Variants in TRIM21 observed in about 807,000 individuals in gnomAD.
TRIM21 encodes E3 ubiquitin-protein ligase TRIM21.
In TRIM21, 35 loss-of-function variants were observed where a neutral mutation model predicts 36.1. The observed-to-expected ratio is 0.97, with a 90% CI of 0.74 to 1.28. TRIM21 has a LOEUF of 1.28. Among genes scored for constraint, TRIM21 ranks in the 50% most tolerant of loss-of-function variants. The probability of loss-of-function intolerance (pLI) is 0.00; values close to 1 mark genes in which losing one functional copy is unlikely to be tolerated. For synonymous variants in TRIM21, 256 were observed against 211.5 expected, an observed-to-expected ratio of 1.21 and a Z score of -1.83; for missense variants, 635 against 570.7, an observed-to-expected ratio of 1.11 and a Z score of -1.15.
chr11:4,392,710 G>C lies in TRIM21; in HGVS notation c.-50+923C>G, dbSNP rs574672219. Among the ~76,000 whole-genome samples the C allele has an allele frequency of 3.3e-5, 5 of 152,276 alleles. No individual in the cohort carries two copies. In the South Asian group the frequency reaches 1.0e-3, roughly 32 times the overall value. On this transcript the variant is annotated intron_variant, in intron 1 of 6. Transcript: ENST00000254436. ...ATAACAAGAACTCCTCCATTGTTTG[G>C]TCCATTGATCCAGTGAGACAGAAGG...
chr11:4,385,369 AG>A lies in TRIM21; in HGVS notation c.1343del (p.Pro448LeufsTer13). The A allele has an allele frequency of 6.2e-7, 1 of 1,613,856 alleles. No homozygotes were observed. Among genetic ancestry groups the A allele is most frequent in the Non-Finnish European group, 8.5e-7 (1 of 1,179,856 alleles). Reference sequence around the variant, plus strand: ...TGTTTTTTCCTCCATCATTGAAACCAGGACTGAAGAAGGGCCGCAGAGGTCC... The same window carrying A: ...TGTTTTTTCCTCCATCATTGAAACCAGACTGAAGAAGGGCCGCAGAGGTCC... Reference protein sequence around the residue: ...FTGPLRPFFSPGFNDGGKNTA... With the variant: ...FTGPLRPFFSXGFNDGGKNTA... On this transcript the variant is annotated frameshift_variant, in exon 7 of 7. Transcript: ENST00000254436. LOFTEE classifies it low-confidence loss of function (END_TRUNC).
At chr11:4,393,578 G>C (rs1160751249) in intron 1 of TRIM21, 55 bp downstream of exon 1, 1 of 152,588 alleles carries the variant, frequency 6.6e-6, no homozygotes, top group Admixed American at 6.5e-5. Flanking sequence ...CTGGGGCAGG[G>C]GAGAGAGGTC....
Position 4,388,446 on chromosome 11 carries a change from G to T in TRIM21, c.589C>A (p.Leu197Met), listed in dbSNP as rs1406284198. Residue 197 changes from leucine (L) to methionine (M), a missense_variant, in exon 4 of 7, where the codon CTG (leucine) becomes ATG (methionine). Physicochemically the swap from Leu to Met is conservative, Grantham distance 15. Coordinates refer to ENST00000254436, the MANE Select transcript of TRIM21 (RefSeq NM_003141.4). ...CTCTCATCCTTCTCCAGCTCCTGCA[G>T]CTGCCTCTGTTCTTCTTCAACCAGG... ...NFLVEEEQRQLQELEKDEREQ... is the reference protein window; with the variant it reads ...NFLVEEEQRQMQELEKDEREQ... 1 of 1,613,698 alleles carries T rather than the reference G, an allele frequency of 6.2e-7. No individual in the cohort carries two copies. The highest frequency in any genetic ancestry group is 8.5e-7 in the Non-Finnish European group (1 of 1,179,902).
chr11:4,386,832 T>C, intron 5 of TRIM21, 136 bp downstream of exon 5: 5 of 855,900 alleles, frequency 5.8e-6, no homozygotes, highest in Non-Finnish European at 8.9e-6. Flanking sequence ...AAATATTTTA[T>C]AGAGAATGAA....
chr11:4,389,606 C>T (rs1233758034), intron 3 of TRIM21, 48 bp downstream of exon 3: 1 of 1,535,758 alleles, frequency 6.5e-7, no homozygotes, highest in Non-Finnish European at 9.0e-7. Context: ...GACTCTGGAC[C>T]CTGCCCAGCC....
chr11:4,386,747 G>T (rs1252969170), intron 5 of TRIM21, among the ~76,000 whole-genome samples: 1 of 152,156 alleles, frequency 6.6e-6, no homozygotes, highest in African/African-American at 2.4e-5. Context: ...ACTTTACTGT[G>T]TGAAGATGTT....
chr11:4,390,503 T>C, intron 1 of TRIM21, 45 bp from the exon 2 acceptor site: 1 of 1,354,858 alleles, frequency 7.4e-7, no homozygotes, highest in Non-Finnish European at 1.0e-6. Context: ...AGAAAGTCTG[T>C]GTAAGAAAAA....
At chr11:4,389,541 A>G in intron 3 of TRIM21, 113 bp downstream of exon 3, 1 of 904,770 alleles carries the variant, frequency 1.1e-6, no homozygotes. Flanking sequence ...AGTGAGACGG[A>G]CCAACTCTAT....
At chr11:4,391,267 T>G (rs984571323) in intron 1 of TRIM21, among the ~76,000 whole-genome samples, 2 of 152,144 alleles carry the variant, frequency 1.3e-5, no homozygotes, top group African/African-American at 4.8e-5. Flanking sequence ...GGACAAAAGA[T>G]CTGAACAGAC....
rs984487645 is a variant in TRIM21, at chr11:4,386,099, T to C, written c.859+58A>G. ...CCTCCAAGTTGCCATCCAGGCTCCC[T>C]GACCCTGGGATCTACTCTGCACCCC... On this transcript the variant is annotated intron_variant, in intron 6 of 6. Coordinates refer to ENST00000254436, the MANE Select transcript of TRIM21 (RefSeq NM_003141.4). 3.9e-6 allele frequency: 6 copies of C among 1,532,848 alleles called. No homozygotes were observed. The East Asian group carries it at 9.0e-5, about 23-fold the overall frequency. The allele number at this position is 1,532,848 out of a possible 1,614,324, so 95.0% of individuals were successfully genotyped here. A position where few individuals can be genotyped will look rare whatever the true frequency, so the allele number is the denominator to read the frequency against.
Position 4,390,094 on chromosome 11 carries a change from C to T in TRIM21, c.316G>A (p.Asp106Asn). 3 of 1,614,044 alleles carry T rather than the reference C, an allele frequency of 1.9e-6. No individual in the cohort carries two copies. The highest frequency in any genetic ancestry group is 2.5e-6 in the Non-Finnish European group (3 of 1,179,888). ...GERLHLFCEK[D>N]GKALCWVCAQ... ...CATACCCAGCAAAGGGCCTTCCCATCTTTCTCACAGAACAGGTGAAGTCTC... is the reference window on the plus strand; with the variant it reads ...CATACCCAGCAAAGGGCCTTCCCATTTTTCTCACAGAACAGGTGAAGTCTC... Residue 106 changes from aspartate to asparagine, a missense_variant, in exon 2 of 7, where the codon GAT (aspartate) becomes AAT (asparagine). Coordinates refer to ENST00000254436, the MANE Select transcript of TRIM21 (RefSeq NM_003141.4).
chr11:4,388,190 A>T, intron 4 of TRIM21, 110 bp downstream of exon 4: 1 of 955,642 alleles, frequency 1.0e-6, no homozygotes, highest in South Asian at 1.7e-5. Context: ...TACTTCATTT[A>T]AGAACATTCC....
Position 4,385,434 on chromosome 11 carries a change from CATGGTCAGTG to C in TRIM21, c.1269_1278del (p.Ile423MetfsTer35), listed in dbSNP as rs777869426. ...TCAGAGAAGGAGTAGATGAGGGAGCCATGGTCAGTGATGTTGTAGAAGGAGACCATGCCAG... is the reference window on the plus strand; with the variant it reads ...TCAGAGAAGGAGTAGATGAGGGAGCCATGTTGTAGAAGGAGACCATGCCAG... On this transcript the variant is annotated frameshift_variant, in exon 7 of 7. Coordinates refer to ENST00000254436, the MANE Select transcript of TRIM21 (RefSeq NM_003141.4). LOFTEE classifies it low-confidence loss of function (END_TRUNC). 6.2e-7 allele frequency: 1 copy of C among 1,613,574 alleles called. No individual in the cohort carries two copies. Among genetic ancestry groups the C allele is most frequent in the Non-Finnish European group, 8.5e-7 (1 of 1,179,756 alleles).
At chr11:4,392,611 CAATT>C (rs1197044262) in intron 1 of TRIM21, among the ~76,000 whole-genome samples, 2 of 129,042 alleles carry the variant, frequency 1.5e-5, no homozygotes, top group Non-Finnish European at 3.4e-5. Context: ...AATGGCAAAA[CAATT>C]AATGTCAAAA....
chr11:4,388,649 A>C, intron 3 of TRIM21, 119 bp from the exon 4 acceptor site: 1 of 939,250 alleles, frequency 1.1e-6, no homozygotes, highest in African/African-American at 1.6e-5. Flanking sequence ...GTCTGGGAAA[A>C]CACACACACA....
rs187544241 is a variant in TRIM21, at chr11:4,386,285, G to C, written c.759-28C>G. On this transcript the variant is annotated intron_variant, in intron 5 of 6. Coordinates refer to ENST00000254436, the MANE Select transcript of TRIM21 (RefSeq NM_003141.4). The stretch of plus-strand genomic sequence containing the variant: ...GGGGGAAAGAGAGTTTGAGACTCCT[G>C]TCTCCTACTCCTATCCCAAACCCTA... 260 of 1,567,706 alleles carry C rather than the reference G, an allele frequency of 1.7e-4. No individual in the cohort carries two copies. In the African/African-American group the frequency reaches 3.1e-3, roughly 19 times the overall value.
chr11:4,388,110 A>G (rs753780328), intron 4 of TRIM21, among the ~76,000 whole-genome samples, 190 bp downstream of exon 4: 7 of 152,228 alleles, frequency 4.6e-5, no homozygotes, highest in Non-Finnish European at 7.3e-5. Context: ...ATTGATTTTT[A>G]AAAAGGTCCT....
chr11:4,388,623 G>A (rs1471598675), intron 3 of TRIM21, 93 bp from the exon 4 acceptor site: 1 of 1,216,274 alleles, frequency 8.2e-7, no homozygotes. Flanking sequence ...ATCCCCAAGA[G>A]ACTCCACTCT....
intron 4 of TRIM21, among the ~76,000 whole-genome samples, chr11:4,387,833 TAAA>T (rs1564809905): frequency 3.1e-5 from 2 of 64,494 alleles, no homozygotes; most frequent in African/African-American, 1.7e-4. Flanking sequence ...CTCTGTCTCA[TAAA>T]TAAATAAATA....
Sources: gnomAD v4.1 joint callset for allele counts (sites outside exome capture counted in the v4.1 genomes callset) on GRCh38, gnomAD v4.1.1 for gene constraint, MANE v1.5 for transcripts, NCBI Gene and HGNC (gene_info 2026-07-23, HGNC 2026-07-21) for gene names.